The following GXYLT2 variants were observed in gnomAD, a reference collection of about 807,000 sequenced individuals.
GXYLT2 encodes the protein glycosyltransferase 8 domain containing 4.
In GXYLT2, 53 loss-of-function variants were observed where a neutral mutation model predicts 45.8. The ratio of observed to expected loss-of-function variants is 1.16; its 90% CI spans 0.93 to 1.46. The LOEUF (loss-of-function observed/expected upper bound fraction) is 1.46, where lower values mean the gene tolerates loss of function less well. Among genes scored for constraint, GXYLT2 ranks in the 40% most tolerant of loss-of-function variants. The pLI is 0.00. For missense variants in GXYLT2, 551 were observed against 544.4 expected, an observed-to-expected ratio of 1.01 and a Z score of -0.12; for synonymous variants, 219 against 214.2, an observed-to-expected ratio of 1.02 and a Z score of -0.19.
chr3:72,926,868 G>A (rs1416166748), intron 3 of GXYLT2: 1 of 152,186 alleles, frequency 6.6e-6, no homozygotes, highest in Admixed American at 6.5e-5. Context: ...TTTTTACCAA[G>A]TTTTAATAAG....
At chr3:72,959,064 T>C (rs1327412573) in intron 5 of GXYLT2, among the ~76,000 whole-genome samples, 1 of 137,212 alleles carries the variant, frequency 7.3e-6, no homozygotes. Flanking sequence ...CACCTCAGCC[T>C]CCCAAGTAGC....
At chr3:72,934,098 T>C (rs1710132041) in intron 3 of GXYLT2, among the ~76,000 whole-genome samples, 1 of 113,260 alleles carries the variant, frequency 8.8e-6, no homozygotes. Flanking sequence ...TTTTTTTTTT[T>C]TGAGACAGGG....
intron 6 of GXYLT2, among the ~76,000 whole-genome samples, chr3:72,973,255 G>C (rs1382407404): frequency 6.6e-6 from 1 of 152,216 alleles, no homozygotes; most frequent in African/African-American, 2.4e-5. Context: ...AGACTTATCA[G>C]ATGGAGGCAG....
intron 3 of GXYLT2, among the ~76,000 whole-genome samples, chr3:72,947,486 G>T (rs879388463): frequency 5.9e-5 from 9 of 152,094 alleles, no homozygotes; most frequent in Non-Finnish European, 1.0e-4. Context: ...CATAGACTAT[G>T]GTACAGGTGT....
intron 1 of GXYLT2, among the ~76,000 whole-genome samples, chr3:72,901,155 G>A (rs1709397252): frequency 6.6e-6 from 1 of 152,114 alleles, no homozygotes; most frequent in Admixed American, 6.6e-5. Context: ...TAGGCGTGGT[G>A]GCAGGTGCCT....
intron 3 of GXYLT2, among the ~76,000 whole-genome samples, chr3:72,932,518 A>G (rs558716798): frequency 6.6e-6 from 1 of 152,236 alleles, no homozygotes; most frequent in Non-Finnish European, 1.5e-5. Flanking sequence ...CCAGGAAGAC[A>G]GGATACTCAG....
intron 3 of GXYLT2, among the ~76,000 whole-genome samples, chr3:72,941,361 C>T (rs1710295659): frequency 6.6e-6 from 1 of 152,186 alleles, no homozygotes; most frequent in Non-Finnish European, 1.5e-5. Context: ...GTCCAGGCCT[C>T]TGGGCCTGAT....
Position 72,975,367 on chromosome 3 carries a change from A to C in GXYLT2, c.*208A>C. ...TTTTCTAAAATGCTATTTATCTCTA[A>C]GGAAAAAAAAAAAAGACTATTACTC... On this transcript the variant is annotated 3_prime_UTR_variant, in exon 7 of 7. Transcript: ENST00000389617. 3.1e-6 allele frequency: 1 copy of C among 327,142 alleles called. No individual in the cohort carries two copies. The allele number at this position is 327,142 out of a possible 1,614,324, so 20.3% of individuals were successfully genotyped here. A position where few individuals can be genotyped will look rare whatever the true frequency, so the allele number is the denominator to read the frequency against.
intron 4 of GXYLT2, among the ~76,000 whole-genome samples, 178 bp from the exon 5 acceptor site, chr3:72,957,051 A>C (rs980503062): frequency 1.4e-5 from 2 of 147,482 alleles, no homozygotes; most frequent in Admixed American, 6.9e-5. Context: ...CAGCTGAAAA[A>C]AGCGATACAA....
chr3:72,897,053 G>A (rs1425919069), intron 1 of GXYLT2, among the ~76,000 whole-genome samples: 5 of 152,224 alleles, frequency 3.3e-5, no homozygotes, highest in Admixed American at 6.5e-5. Flanking sequence ...ATTGAATGAT[G>A]ACTTAAAATA....
At chr3:72,963,732 G>A (rs1398988280) in intron 5 of GXYLT2, among the ~76,000 whole-genome samples, 1 of 147,956 alleles carries the variant, frequency 6.8e-6, no homozygotes, top group Non-Finnish European at 1.5e-5. Flanking sequence ...GAGGGCAATG[G>A]CACGATCTTG....
chr3:72,892,101 C>G (rs1250991666), intron 1 of GXYLT2, among the ~76,000 whole-genome samples: 1 of 152,142 alleles, frequency 6.6e-6, no homozygotes, highest in Non-Finnish European at 1.5e-5. Flanking sequence ...AGTCCAAAGC[C>G]ATTTCACCTT....
intron 3 of GXYLT2, among the ~76,000 whole-genome samples, chr3:72,940,781 A>G (rs1027364345): frequency 6.6e-6 from 1 of 152,146 alleles, no homozygotes; most frequent in Non-Finnish European, 1.5e-5. Flanking sequence ...TCCTGAGCTC[A>G]GAGGACCCTC....
At chr3:72,950,166 C>G (rs994938394) in intron 3 of GXYLT2, among the ~76,000 whole-genome samples, 1 of 151,704 alleles carries the variant, frequency 6.6e-6, no homozygotes, top group Non-Finnish European at 1.5e-5. Context: ...TACAAAAAAA[C>G]AAAAAAATTA....
intron 3 of GXYLT2, among the ~76,000 whole-genome samples, chr3:72,936,088 A>G (rs962358442): frequency 3.3e-5 from 5 of 151,740 alleles, no homozygotes; most frequent in Non-Finnish European, 7.4e-5. Context: ...TCAGGAGATC[A>G]AGACCATCCT....
chr3:72,924,785 C>G (rs1358676449), intron 3 of GXYLT2, among the ~76,000 whole-genome samples: 1 of 151,834 alleles, frequency 6.6e-6, no homozygotes. Flanking sequence ...TTAACCTGAA[C>G]AACTGTTAAG....
At chr3:72,889,090 C>T (rs566062328) in intron 1 of GXYLT2, among the ~76,000 whole-genome samples, 1 of 152,162 alleles carries the variant, frequency 6.6e-6, no homozygotes, top group Non-Finnish European at 1.5e-5. Flanking sequence ...GTTTCAGGCT[C>T]GAGTGTGGTC....
At chr3:72,956,245 A>AAAAG (rs142126212) in intron 4 of GXYLT2, among the ~76,000 whole-genome samples, 6 of 152,230 alleles carry the variant, frequency 3.9e-5, no homozygotes, top group Non-Finnish European at 5.9e-5. Context: ...TGTCTCTAAA[A>AAAAG]AAAGAAAGAA....
intron 2 of GXYLT2, among the ~76,000 whole-genome samples, chr3:72,909,062 C>CTTTTTTTTTTTTTTTTTTTTTTT (rs71126804): frequency 1.1e-5 from 1 of 91,120 alleles, no homozygotes; most frequent in African/African-American, 4.3e-5. Context: ...TTCTTCCTTT[C>CTTTTTTTTTTTTTTTTTTTTTTT]TTTTTTTTTT....
Sources: allele counts gnomAD v4.1 joint callset (sites outside exome capture counted in the v4.1 genomes callset), GRCh38; gene constraint gnomAD v4.1.1; transcripts MANE v1.5; gene names NCBI Gene and HGNC (gene_info 2026-07-23, HGNC 2026-07-21).